Variants in PRPF31 observed in about 807,000 individuals in gnomAD.
PRPF31 encodes the protein U4/U6 small nuclear ribonucleoprotein Prp31.
In PRPF31, 12 loss-of-function variants were observed where a neutral mutation model predicts 60.4. That is an observed-to-expected ratio of 0.20 (90% confidence interval 0.13 to 0.32). The LOEUF (loss-of-function observed/expected upper bound fraction) is 0.32, where lower values mean the gene tolerates loss of function less well. Ranked by LOEUF, PRPF31 falls within the 10% of genes least tolerant of loss-of-function variation. The pLI is 1.00. For missense variants in PRPF31, 431 were observed against 687.1 expected, an observed-to-expected ratio of 0.63 and a Z score of 4.17; for synonymous variants, 287 against 287.9, an observed-to-expected ratio of 1.00 and a Z score of 0.03.
rs1600329006 is a variant in PRPF31, at chr19:54,119,851, G to T, written c.238+1218G>T. On this transcript the variant is annotated intron_variant, in intron 3 of 13. Transcript: ENST00000321030. ...TGACAGGAAGCCATAGGAGGTTTCTGGGGAAAGAAGTGTAGTGAGAGGGCA... is the reference window on the plus strand; with the variant it reads ...TGACAGGAAGCCATAGGAGGTTTCTTGGGAAAGAAGTGTAGTGAGAGGGCA... 4 of 152,110 alleles carry T rather than the reference G, an allele frequency of 2.6e-5. No individual in the cohort carries two copies. In the South Asian group the frequency reaches 8.3e-4, roughly 32 times the overall value. 9.4% of individuals were successfully genotyped at this position (152,110 alleles called of 1,614,324 possible).
chr19:54,125,216 G>A (rs1200098422), intron 8 of PRPF31: 1 of 166,214 alleles, frequency 6.0e-6, no homozygotes, highest in Non-Finnish European at 1.3e-5. Context: ...CTAGCCTGGC[G>A]GGGCGCAGTG....
Position 54,131,588 on chromosome 19 carries a change from T to C in PRPF31, c.*156T>C. On this transcript the variant is annotated 3_prime_UTR_variant, in exon 14 of 14. Transcript: ENST00000321030. ...GAGGAGGCCTTGGAAGAGTCCGGCC[T>C]GGCCTCCCCCAGGACCGAGATCACC... The C allele has an allele frequency of 8.4e-7, 1 of 1,188,098 alleles. No homozygotes were observed. The allele number at this position is 1,188,098 out of a possible 1,614,324, so 73.6% of individuals were successfully genotyped here.
At chr19:54,118,533 G>A in intron 2 of PRPF31, 40 bp from the exon 3 acceptor site, 1 of 1,613,896 alleles carries the variant, frequency 6.2e-7, no homozygotes, top group East Asian at 2.2e-5. Flanking sequence ...GCTTCTTTTT[G>A]AAGAGTGCTG....
chr19:54,128,432 C>T, intron 11 of PRPF31, 55 bp downstream of exon 11: 2 of 1,496,476 alleles, frequency 1.3e-6, no homozygotes, highest in Non-Finnish European at 1.8e-6. Flanking sequence ...CGCCACCGCC[C>T]TCTGCCTCCT....
intron 11 of PRPF31, among the ~76,000 whole-genome samples, chr19:54,128,647 G>C (rs1341828144): frequency 2.6e-5 from 4 of 152,200 alleles, no homozygotes; most frequent in African/African-American, 9.6e-5. Context: ...CCTGCCCAGA[G>C]GCTCCTTAGT....
At chr19:54,126,028 G>A (rs1221435200) in intron 8 of PRPF31, among the ~76,000 whole-genome samples, 2 of 152,224 alleles carry the variant, frequency 1.3e-5, no homozygotes, top group African/African-American at 2.4e-5. Flanking sequence ...GCTGGCCATC[G>A]CTTCACTGTG....
chr19:54,124,816 G>A (rs764490856), intron 8 of PRPF31, 160 bp downstream of exon 8: 11 of 850,610 alleles, frequency 1.3e-5, no homozygotes, highest in Non-Finnish European at 1.9e-5. Flanking sequence ...CTCTGCAGCA[G>A]ACCAGCTCCA....
At chr19:54,116,542 C>T (rs1379984252) in intron 1 of PRPF31, among the ~76,000 whole-genome samples, 1 of 152,202 alleles carries the variant, frequency 6.6e-6, no homozygotes, top group Non-Finnish European at 1.5e-5. Context: ...TTAATATGCG[C>T]CTACCATGGT....
At chr19:54,131,107 G>A (rs982086112) in intron 13 of PRPF31, among the ~76,000 whole-genome samples, 200 bp from the exon 14 acceptor site, 7 of 152,128 alleles carry the variant, frequency 4.6e-5, no homozygotes, top group Admixed American at 1.3e-4. Flanking sequence ...AAATCCAGGC[G>A]CCCTGGTTCC....
At position 54,123,283 on chromosome 19, in the gene PRPF31, G is replaced by A. The variant is rs1045863064; in HGVS notation, c.421-171G>A. The stretch of plus-strand genomic sequence containing the variant: ...TGGTGTGGATGCTTGACGTGGTGGA[G>A]GCAGGAATGGTGTGGATGCTTCAGG... On this transcript the variant is annotated intron_variant, in intron 5 of 13. Coordinates refer to ENST00000321030, the MANE Select transcript of PRPF31 (RefSeq NM_015629.4). The A allele has an allele frequency of 5.9e-6, 4 of 673,276 alleles. No homozygotes were observed. In the African/African-American group the frequency reaches 7.1e-5, roughly 12 times the overall value. 41.7% of individuals were successfully genotyped at this position (673,276 alleles called of 1,614,324 possible). A position where few individuals can be genotyped will look rare whatever the true frequency, so the allele number is the denominator to read the frequency against.
At chr19:54,125,552 C>A (rs1440319123) in intron 8 of PRPF31, among the ~76,000 whole-genome samples, 5 of 151,742 alleles carry the variant, frequency 3.3e-5, no homozygotes, top group Non-Finnish European at 2.9e-5. Context: ...TGGGTCCAGA[C>A]CCTGCTCTGT....
intron 3 of PRPF31, among the ~76,000 whole-genome samples, chr19:54,119,040 A>G (rs2146395922): frequency 6.6e-6 from 1 of 152,152 alleles, no homozygotes; most frequent in East Asian, 1.9e-4. Flanking sequence ...AACTGGTATC[A>G]TTTGGCAAAG....
At chr19:54,123,200 T>G in intron 5 of PRPF31, 1 of 591,654 alleles carries the variant, frequency 1.7e-6, no homozygotes, top group Non-Finnish European at 3.0e-6. Flanking sequence ...GAGGCCACAG[T>G]CTTTCCAGAC....
rs2073976737 is a variant in PRPF31, at chr19:54,128,505, C to CCCT, written c.1146+130_1146+131insTCC. On this transcript the variant is annotated intron_variant, in intron 11 of 13. Transcript: ENST00000321030. Reference sequence around the variant, plus strand: ...TGTCTAGGGCGCTGCCCCAGCCTCCCCCCCCCCGGCCTCTATTCTCGTTTC... The same window carrying CCCT: ...TGTCTAGGGCGCTGCCCCAGCCTCCCCCTCCCCCCCGGCCTCTATTCTCGTTTC... 2.7e-4 allele frequency: 256 copies of CCCT among 935,904 alleles called. 2 individuals carry two copies. In the East Asian group the frequency reaches 2.7e-3, roughly 10 times the overall value. The allele number at this position is 935,904 out of a possible 1,614,324, so 58.0% of individuals were successfully genotyped here. A position where few individuals can be genotyped will look rare whatever the true frequency, so the allele number is the denominator to read the frequency against.
intron 1 of PRPF31, among the ~76,000 whole-genome samples, chr19:54,117,678 C>T (rs587762990): frequency 1.4e-5 from 2 of 140,374 alleles, no homozygotes; most frequent in South Asian, 4.5e-4. Context: ...GAAACCTTGA[C>T]TCTACAAAAA....
rs587768415 is a variant in PRPF31, at chr19:54,131,704, A to G, written c.*272A>G. 37 of 555,030 alleles carry G rather than the reference A, an allele frequency of 6.7e-5. No individual in the cohort carries two copies. Among genetic ancestry groups the G allele is most frequent in the Non-Finnish European group, 9.7e-5 (30 of 308,502 alleles). 34.4% of individuals were successfully genotyped at this position (555,030 alleles called of 1,614,324 possible). A position where few individuals can be genotyped will look rare whatever the true frequency, so the allele number is the denominator to read the frequency against. ...TTGAAAAGAGTACAATTAAAAGGAC[A>G]TTGTCAAGATCTGTCCTTGGGGAGT... On this transcript the variant is annotated 3_prime_UTR_variant, in exon 14 of 14. Coordinates refer to ENST00000321030, the MANE Select transcript of PRPF31 (RefSeq NM_015629.4).
intron 4 of PRPF31, 33 bp downstream of exon 4, chr19:54,121,976 G>T: frequency 1.3e-6 from 2 of 1,582,458 alleles, no homozygotes; most frequent in Non-Finnish European, 1.7e-6. Context: ...AGACAGCCCC[G>T]TGTGACGTCC....
intron 10 of PRPF31, 24 bp from the exon 11 acceptor site, chr19:54,128,281 C>A (rs181204361): frequency 3.2e-6 from 5 of 1,550,754 alleles, no homozygotes; most frequent in Non-Finnish European, 4.4e-6. Flanking sequence ...GACTCCCTGG[C>A]GCCGCCCACC....
At chr19:54,118,240 G>A (rs1464646877) in intron 1 of PRPF31, 31 bp from the exon 2 acceptor site, 3 of 1,612,136 alleles carry the variant, frequency 1.9e-6, no homozygotes, top group Non-Finnish European at 2.5e-6. Flanking sequence ...GTCGGGGCAA[G>A]TTTTTAGGGA....
Sources: allele counts gnomAD v4.1 joint callset (sites outside exome capture counted in the v4.1 genomes callset), GRCh38; gene constraint gnomAD v4.1.1; transcripts MANE v1.5; gene names NCBI Gene and HGNC (gene_info 2026-07-23, HGNC 2026-07-21).